The following PPFIA1 variants were observed in gnomAD, a reference collection of about 807,000 sequenced individuals.
The protein encoded by PPFIA1 is liprin-alpha-1.
PPFIA1 carries 25 observed loss-of-function variants against 149.9 expected under a neutral mutation model. The observed-to-expected ratio is 0.17, with a 90% CI of 0.12 to 0.23. The LOEUF is 0.23. PPFIA1 is among the 10% of genes least tolerant of loss of function. The probability of loss-of-function intolerance (pLI) is 1.00; values close to 1 mark genes in which losing one functional copy is unlikely to be tolerated. For synonymous variants in PPFIA1, 549 were observed against 552.8 expected, an observed-to-expected ratio of 0.99 and a Z score of 0.10; for missense variants, 1,362 against 1,506.5, an observed-to-expected ratio of 0.90 and a Z score of 1.59.
At chr11:70,373,395 AT>A (rs59817296) in intron 23 of PPFIA1, 159 of 143,780 alleles carry the variant, frequency 1.1e-3, no homozygotes, top group East Asian at 7.2e-3. Flanking sequence ...CATGCCTGGA[AT>A]TTTTTTTTTT....
At chr11:70,310,556 T>G (rs1435572801) in intron 2 of PPFIA1, among the ~76,000 whole-genome samples, 1 of 151,982 alleles carries the variant, frequency 6.6e-6, no homozygotes, top group African/African-American at 2.4e-5. Context: ...CAGTTAATTT[T>G]GGTATTTTTA....
At chr11:70,342,469 A>G (rs72947052) in intron 14 of PPFIA1, among the ~76,000 whole-genome samples, 14,272 of 152,250 alleles carry the variant, frequency 0.094, 911 homozygotes, top group Admixed American at 0.17. Flanking sequence ...TTCTGATGAC[A>G]TACATAATGC....
intron 19 of PPFIA1, among the ~76,000 whole-genome samples, chr11:70,358,894 T>C (rs892791492): frequency 6.6e-6 from 1 of 152,212 alleles, no homozygotes; most frequent in Non-Finnish European, 1.5e-5. Flanking sequence ...ACAGCACTTT[T>C]AGAATTCCCC....
At chr11:70,373,849 G>GT (rs1295765751) in intron 23 of PPFIA1, 11 of 152,146 alleles carry the variant, frequency 7.2e-5, no homozygotes, top group Non-Finnish European at 1.2e-4. Flanking sequence ...GAGAAAAGTC[G>GT]TAAGTCGACA....
rs1184698522 is a variant in PPFIA1, at chr11:70,295,689, AC to A, written c.264+23261del. 1.5e-4 allele frequency among the ~76,000 whole-genome samples: 16 copies of A among 109,314 alleles called. No homozygotes were observed. In the South Asian group the frequency reaches 3.0e-3, roughly 20 times the overall value. The allele number at this position is 109,314 out of a possible 152,430, so 71.7% of individuals were successfully genotyped here. On this transcript the variant is annotated intron_variant, in intron 2 of 27. Transcript: ENST00000253925. ...GGGCGGCTGGCCGGGCCGGGGGCTG[AC>A]CCCCCCCACCTCCCTCCCGGACGGG...
At position 70,357,979 on chromosome 11, in the gene PPFIA1, GA is replaced by G. The variant is rs530301724; in HGVS notation, c.2582+1729del. On this transcript the variant is annotated intron_variant, in intron 19 of 27. Transcript: ENST00000253925. ...TTTCTGCCTCCTGGAAACATGCTAG[GA>G]AAATTTCATTCCTTAGATTTTGCTA... Among the ~76,000 whole-genome samples the G allele has an allele frequency of 3.5e-3, 534 of 152,202 alleles. 5 individuals are homozygous for G. Among genetic ancestry groups the G allele is most frequent in the Admixed American group, 0.015 (226 of 15,286 alleles).
Position 70,354,401 on chromosome 11 carries a change from A to G in PPFIA1, c.2264A>G (p.His755Arg). Residue 755 changes from histidine (H) to arginine (R), a missense_variant, in exon 17 of 28, where the codon CAC (histidine) becomes CGC (arginine). Transcript: ENST00000253925. ...SPRALRLDRL[H>R]KGALHTVSHE... ...AGAGCCCTTCGGTTAGACCGGCTGC[A>G]CAAAGGGGCGCTGCACACCGTCAGC... The G allele has an allele frequency of 6.2e-7, 1 of 1,614,102 alleles. No individual in the cohort carries two copies. The highest frequency in any genetic ancestry group is 8.5e-7 in the Non-Finnish European group (1 of 1,180,028).
At chr11:70,382,596 AATTAT>A (rs1331269528) in intron 27 of PPFIA1, among the ~76,000 whole-genome samples, 1 of 152,156 alleles carries the variant, frequency 6.6e-6, no homozygotes, top group Non-Finnish European at 1.5e-5. Flanking sequence ...TTTTGTGGTT[AATTAT>A]ATATTATACT....
intron 19 of PPFIA1, among the ~76,000 whole-genome samples, chr11:70,359,459 G>A (rs2056524657): frequency 6.6e-6 from 1 of 152,164 alleles, no homozygotes; most frequent in Non-Finnish European, 1.5e-5. Flanking sequence ...AACTGTACTT[G>A]TGGTGGTGGT....
At position 70,326,258 on chromosome 11, in the gene PPFIA1, T is replaced by C. The variant is rs1483962364; in HGVS notation, c.607-4T>C. 9.6e-6 allele frequency: 15 copies of C among 1,561,300 alleles called. No individual in the cohort carries two copies. The highest frequency in any genetic ancestry group is 1.3e-5 in the Non-Finnish European group (15 of 1,144,722). On this transcript the variant is annotated splice_polypyrimidine_tract_variant and splice_region_variant and intron_variant, in intron 5 of 27. Transcript: ENST00000253925. ...TACACTCATATTCAATTTTTTGCTT[T>C]CAGCTAATGATTCTTAAAGAACAGA...
chr11:70,294,190 C>T (rs7121703), intron 2 of PPFIA1, among the ~76,000 whole-genome samples: 33,268 of 152,020 alleles, frequency 0.22, 5,558 homozygotes, highest in African/African-American at 0.46. Flanking sequence ...GATCCTTCTA[C>T]CTCGGCCTCC....
At chr11:70,272,540 T>A in intron 2 of PPFIA1, 104 bp downstream of exon 2, 1 of 1,315,122 alleles carries the variant, frequency 7.6e-7, no homozygotes, top group Non-Finnish European at 1.0e-6. Flanking sequence ...TCCGTAACGA[T>A]TTGTGAAATG....
In PPFIA1 at chr11:70,339,286, C is replaced by T. The variant is rs779907051; in HGVS notation, c.1687C>T (p.Leu563=). 1.9e-6 allele frequency: 3 copies of T among 1,613,780 alleles called. No individual in the cohort carries two copies. The highest frequency in any genetic ancestry group is 2.2e-5 in the East Asian group (1 of 44,886). Residue 563 remains leucine, a synonymous_variant, in exon 14 of 28, where the codon CTG becomes TTG. Coordinates refer to ENST00000253925, the MANE Select transcript of PPFIA1 (RefSeq NM_003626.5). The part of the protein sequence containing the change: ...RRPQKGRLAA[L]RDEPSKVQTL... ...CCCACAGAAAGGCCGGCTGGCAGCC[C>T]TGCGAGATGAGCCTTCCAAGGCAAG...
At chr11:70,309,230 C>T (rs866488631) in intron 2 of PPFIA1, among the ~76,000 whole-genome samples, 2 of 151,728 alleles carry the variant, frequency 1.3e-5, no homozygotes, top group Admixed American at 1.3e-4. Flanking sequence ...AGTGCAGTGG[C>T]GCGATCTCTG....
chr11:70,312,005 G>C (rs1463368239), intron 2 of PPFIA1, among the ~76,000 whole-genome samples: 1 of 151,720 alleles, frequency 6.6e-6, no homozygotes, highest in African/African-American at 2.4e-5. Flanking sequence ...ACCACGCCTG[G>C]CTATTTTCTA....
At chr11:70,335,157 T>C (rs1045687141) in intron 10 of PPFIA1, among the ~76,000 whole-genome samples, 2 of 152,208 alleles carry the variant, frequency 1.3e-5, no homozygotes, top group African/African-American at 2.4e-5. Context: ...CTTTTTTGCT[T>C]TGTAAATTAA....
intron 2 of PPFIA1, among the ~76,000 whole-genome samples, chr11:70,317,414 G>GT (rs1167204990): frequency 6.6e-6 from 1 of 152,098 alleles, no homozygotes; most frequent in Non-Finnish European, 1.5e-5. Flanking sequence ...AGAGAGAAAG[G>GT]TTTTTTTCTT....
rs946111792 is a variant in PPFIA1 at position 70,374,981 on chromosome 11, A to T, written c.3203A>T (p.Tyr1068Phe). Residue 1068 changes from tyrosine to phenylalanine, a missense_variant, in exon 24 of 28, where the codon TAT (tyrosine) becomes TTT (phenylalanine). Coordinates refer to ENST00000253925, the MANE Select transcript of PPFIA1 (RefSeq NM_003626.5). ...ATCCTGTCAATTGGCCTTAAAGAAT[A>T]TGCAAACAATCTTATAGAGAGTGGT... ...RWILSIGLKE[Y>F]ANNLIESGVH... 15 of 1,613,774 alleles carry T rather than the reference A, an allele frequency of 9.3e-6. No individual in the cohort carries two copies. In the African/African-American group the frequency reaches 1.7e-4, roughly 19 times the overall value.
intron 2 of PPFIA1, among the ~76,000 whole-genome samples, chr11:70,289,182 G>C (rs997449049): frequency 6.6e-6 from 1 of 151,900 alleles, no homozygotes; most frequent in Non-Finnish European, 1.5e-5. Flanking sequence ...ATGTTGGCCA[G>C]ACTGGTTTTG....
Sources: allele counts gnomAD v4.1 joint callset (sites outside exome capture counted in the v4.1 genomes callset), GRCh38; gene constraint gnomAD v4.1.1; transcripts MANE v1.5; gene names NCBI Gene and HGNC (gene_info 2026-07-23, HGNC 2026-07-21).